Variants in AP3S2 observed in about 807,000 individuals in gnomAD.
AP3S2 encodes the protein adaptor related protein complex 3 subunit sigma 2, also known as AP-3 complex subunit sigma-2.
A neutral mutation model predicts 23.4 loss-of-function variants in AP3S2; 22 were observed. The ratio of observed to expected loss-of-function variants is 0.94; its 90% confidence interval spans 0.67 to 1.34. AP3S2 has a LOEUF of 1.34. Ranked by LOEUF, AP3S2 falls within the 40% of genes most tolerant of loss-of-function variation. The pLI is 0.00. For synonymous variants in AP3S2, 86 were observed against 87.1 expected (o/e 0.99, Z 0.07); for missense variants, 241 against 236.9 (o/e 1.02, Z -0.11).
chr15:89,849,571 G>GT (rs1895587204), intron 4 of AP3S2, among the ~76,000 whole-genome samples: 1 of 151,982 alleles, frequency 6.6e-6, no homozygotes, highest in African/African-American at 2.4e-5. Context: ...GTTTCACTAT[G>GT]TTAGCCAGGA....
rs1302700173 is a variant in AP3S2 at position 89,835,608 on chromosome 15, A to G, written c.489T>C (p.Ser163=). 3 of 1,613,582 alleles carry G rather than the reference A, an allele frequency of 1.9e-6. No homozygotes were observed. The highest frequency in any genetic ancestry group is 1.7e-6 in the Non-Finnish European group (2 of 1,179,936). The change falls in exon 6 of 6, where the codon TCT becomes TCC. Residue 163 remains serine (S), a synonymous_variant. Transcript: ENST00000336418. ...GLSAAPARAV[S]AVKNINLPEI... is the part of the protein sequence containing the mutation. Reference sequence around the variant, plus strand: ...CTGGCAGGTTGATGTTTTTCACAGCAGACACAGCCCGCGCAGGGGCTGCTG... The same window carrying G: ...CTGGCAGGTTGATGTTTTTCACAGCGGACACAGCCCGCGCAGGGGCTGCTG...
intron 4 of AP3S2, among the ~76,000 whole-genome samples, chr15:89,859,639 C>A (rs185834961): frequency 1.5e-4 from 23 of 151,920 alleles, no homozygotes; most frequent in African/African-American, 1.9e-4. Flanking sequence ...AGGTGAGCCA[C>A]CCGCCTTGAC....
Position 89,888,561 on chromosome 15 carries a change from T to C in AP3S2, c.233A>G (p.Asp78Gly). The C allele has an allele frequency of 6.2e-7, 1 of 1,614,208 alleles. No homozygotes were observed. The highest frequency in any genetic ancestry group is 8.5e-7 in the Non-Finnish European group (1 of 1,180,026). ...GATTCCAAGTTCACTCTCTGAGGAA[T>C]CCACACAAAATACAAAGTAGAGGGT... ...YATLYFVFCV[D>G]SSESELGILD... Residue 78 changes from aspartate (D) to glycine (G), a missense_variant, in exon 3 of 6, where the codon GAT becomes GGT. By Grantham distance (94) the Asp-to-Gly change is moderately conservative. Transcript: ENST00000336418.
Position 89,837,747 on chromosome 15 carries a change from G to A in AP3S2, c.346-25C>T, listed in dbSNP as rs371466465. On this transcript the variant is annotated intron_variant, in intron 4 of 5. Transcript: ENST00000336418. ...CCTAAAAGGGAAGCAAAAATCAGGA[G>A]TCAGAATACTCTGTGGTGGTCAGAG... is the stretch of plus-strand genomic sequence containing the variant. The A allele has an allele frequency of 2.9e-5, 47 of 1,613,438 alleles. No homozygotes were observed. In the African/African-American group the frequency reaches 6.0e-4, roughly 21 times the overall value.
chr15:89,856,701 CA>C (rs34735772), intron 4 of AP3S2, among the ~76,000 whole-genome samples: 41,061 of 75,026 alleles, frequency 0.55, 9,535 homozygotes, highest in East Asian at 0.69. Flanking sequence ...GACTCCATCT[CA>C]AAAAAAAAAA....
chr15:89,855,912 C>A, intron 4 of AP3S2, among the ~76,000 whole-genome samples: 2 of 135,458 alleles, frequency 1.5e-5, no homozygotes, highest in Non-Finnish European at 3.1e-5. Context: ...CCAATAATTC[C>A]AGCATGTGTA....
intron 4 of AP3S2, among the ~76,000 whole-genome samples, chr15:89,869,111 G>T (rs1246738057): frequency 6.6e-6 from 1 of 152,200 alleles, no homozygotes; most frequent in Non-Finnish European, 1.5e-5. Flanking sequence ...TGACAATGGC[G>T]GCTTTGTGGA....
At chr15:89,880,034 AG>A (rs1182788457) in intron 3 of AP3S2, among the ~76,000 whole-genome samples, 1 of 148,232 alleles carries the variant, frequency 6.7e-6, no homozygotes, top group Non-Finnish European at 1.5e-5. Flanking sequence ...CAGATTTTAG[AG>A]TTATTAGAAT....
chr15:89,889,203 G>C, intron 1 of AP3S2, 63 bp from the exon 2 acceptor site: 1 of 1,564,112 alleles, frequency 6.4e-7, no homozygotes, highest in Non-Finnish European at 8.8e-7. Flanking sequence ...CCATCCATGG[G>C]GATGGACAAG....
chr15:89,865,601 T>C (rs1896099285), intron 4 of AP3S2: 1 of 152,276 alleles, frequency 6.6e-6, no homozygotes, highest in Non-Finnish European at 1.5e-5. Context: ...AGACTTCTTT[T>C]GCCAGTGCTG....
chr15:89,837,167 G>A (rs1427373995), intron 5 of AP3S2, among the ~76,000 whole-genome samples: 1 of 152,140 alleles, frequency 6.6e-6, no homozygotes, highest in Non-Finnish European at 1.5e-5. Flanking sequence ...TGGAAATAAG[G>A]AAATTGGCAA....
chr15:89,848,744 T>C (rs1370753685), intron 4 of AP3S2: 1 of 152,148 alleles, frequency 6.6e-6, no homozygotes, highest in Non-Finnish European at 1.5e-5. Context: ...TTCTTGTCTA[T>C]ACTTGGGGGC....
chr15:89,856,714 A>T (rs938342715), intron 4 of AP3S2, among the ~76,000 whole-genome samples: 2 of 149,420 alleles, frequency 1.3e-5, no homozygotes, highest in African/African-American at 5.0e-5. Flanking sequence ...AAAAAAAAAA[A>T]AAAAAAATAT....
chr15:89,849,191 G>T (rs1895573332), intron 4 of AP3S2, among the ~76,000 whole-genome samples: 1 of 152,096 alleles, frequency 6.6e-6, no homozygotes, highest in African/African-American at 2.4e-5. Context: ...TAGCTAGGGA[G>T]ACAAAACAAT....
intron 4 of AP3S2, among the ~76,000 whole-genome samples, chr15:89,867,910 G>C (rs1307167314): frequency 1.5e-5 from 2 of 131,254 alleles, no homozygotes; most frequent in Non-Finnish European, 3.5e-5. Context: ...CACCCCGTCC[G>C]GGAGGGAGGT....
At chr15:89,875,043 A>G (rs1340354162) in intron 3 of AP3S2, among the ~76,000 whole-genome samples, 1 of 152,226 alleles carries the variant, frequency 6.6e-6, no homozygotes, top group Non-Finnish European at 1.5e-5. Context: ...TAAAAAAATA[A>G]ATTAAAAAAG....
At chr15:89,865,179 A>T (rs563292551) in intron 4 of AP3S2, among the ~76,000 whole-genome samples, 1 of 152,098 alleles carries the variant, frequency 6.6e-6, no homozygotes, top group East Asian at 1.9e-4. Flanking sequence ...CCTCATCCTC[A>T]GTTAGGGACC....
rs375006095 is a variant in AP3S2 at position 89,847,968 on chromosome 15, C to T, written c.346-10246G>A. ...AAAATGCAGTTCTGTATTGGGATGG[C>T]AGGATTCCATCTAACCGAAAATTTC... On this transcript the variant is annotated intron_variant, in intron 4 of 5. Coordinates refer to ENST00000336418, the MANE Select transcript of AP3S2 (RefSeq NM_005829.5). Among the ~76,000 whole-genome samples, 4 of 152,192 alleles carry T rather than the reference C, an allele frequency of 2.6e-5. No homozygotes were observed. In the East Asian group the frequency reaches 7.7e-4, roughly 29 times the overall value.
chr15:89,871,853 A>C (rs1379445505), intron 3 of AP3S2, among the ~76,000 whole-genome samples: 1 of 152,070 alleles, frequency 6.6e-6, no homozygotes, highest in Non-Finnish European at 1.5e-5. Context: ...TCATACTTAC[A>C]ATCTCAGCAC....
Sources: allele counts gnomAD v4.1 joint callset (sites outside exome capture counted in the v4.1 genomes callset), GRCh38; gene constraint gnomAD v4.1.1; transcripts MANE v1.5; gene names NCBI Gene and HGNC (gene_info 2026-07-23, HGNC 2026-07-21).